CCDC171: variants seen among roughly 807,000 people sequenced by gnomAD.
CCDC171 encodes the protein coiled-coil domain-containing protein 171.
Under a neutral mutation model 168.2 loss-of-function variants are expected in CCDC171, and 177 were observed. The observed-to-expected ratio is 1.05, with a 90% CI of 0.93 to 1.19. The LOEUF (loss-of-function observed/expected upper bound fraction) is 1.19. CCDC171 is among the 50% of genes most tolerant of loss of function. The pLI is 0.00. For synonymous variants in CCDC171, 687 were observed against 540.8 expected (o/e 1.27, Z -3.75); for missense variants, 1,991 against 1,539.0 (o/e 1.29, Z -4.91).
chr9:15,651,197 C>T (rs2047487774), intron 7 of CCDC171, among the ~76,000 whole-genome samples: 1 of 151,940 alleles, frequency 6.6e-6, no homozygotes, highest in Non-Finnish European at 1.5e-5. Flanking sequence ...CAACTTCCAC[C>T]TCCCGGGTTC....
At chr9:16,000,309 A>C (rs1483529225) in intron 3 of CCDC171, among the ~76,000 whole-genome samples, 1 of 152,122 alleles carries the variant, frequency 6.6e-6, no homozygotes, top group Non-Finnish European at 1.5e-5. Flanking sequence ...AGTTTCAAAA[A>C]CAAGGGATTG....
intron 21 of CCDC171, among the ~76,000 whole-genome samples, chr9:15,802,920 TG>T (rs1165704099): frequency 6.3e-4 from 96 of 152,260 alleles, no homozygotes; most frequent in African/African-American, 2.0e-3. Context: ...CAGCATCTGT[TG>T]TTTTTTGAGT....
the CCDC171 span, among the ~76,000 whole-genome samples, chr9:16,098,843 G>C: frequency 5.2e-4 from 79 of 152,320 alleles, no homozygotes; most frequent in African/African-American, 1.8e-3. Flanking sequence ...AATTGGGAGT[G>C]GGGGAGCAAT....
At chr9:15,556,739 G>A (rs1368312836) in intron 1 of CCDC171, among the ~76,000 whole-genome samples, 1 of 151,668 alleles carries the variant, frequency 6.6e-6, no homozygotes, top group Non-Finnish European at 1.5e-5. Context: ...AAGCTCTTTA[G>A]TTTAATTAGA....
At chr9:15,635,966 T>G (rs2046171056) in intron 7 of CCDC171, among the ~76,000 whole-genome samples, 1 of 152,188 alleles carries the variant, frequency 6.6e-6, no homozygotes, top group South Asian at 2.1e-4. Context: ...GTCACTCTTT[T>G]ATATTACAAC....
At chr9:15,640,334 C>G (rs539839128) in intron 7 of CCDC171, among the ~76,000 whole-genome samples, 1 of 151,942 alleles carries the variant, frequency 6.6e-6, no homozygotes, top group Non-Finnish European at 1.5e-5. Flanking sequence ...TTAATTTTGT[C>G]TCTGAGTTGT....
At chr9:15,779,323 A>T (rs1184873997) in intron 20 of CCDC171, among the ~76,000 whole-genome samples, 173 bp downstream of exon 20, 1 of 152,022 alleles carries the variant, frequency 6.6e-6, no homozygotes, top group Non-Finnish European at 1.5e-5. Context: ...CTAATTGCTG[A>T]TGTTGGTGGC....
chr9:15,970,247 T>C (rs1831214744), intron 25 of CCDC171, among the ~76,000 whole-genome samples: 1 of 152,160 alleles, frequency 6.6e-6, no homozygotes, highest in South Asian at 2.1e-4. Flanking sequence ...CATACAACAG[T>C]TGAATTTCTA....
chr9:15,630,715 G>A (rs1227441861), intron 7 of CCDC171, among the ~76,000 whole-genome samples: 1 of 152,158 alleles, frequency 6.6e-6, no homozygotes. Flanking sequence ...CAAATCAACA[G>A]AATATACATT....
At position 15,777,624 on chromosome 9, in the gene CCDC171, A is replaced by T. The variant is rs772588407; in HGVS notation, c.2696A>T (p.His899Leu). 5 of 1,608,624 alleles carry T rather than the reference A, an allele frequency of 3.1e-6. No homozygotes were observed. Among genetic ancestry groups the T allele is most frequent in the Non-Finnish European group, 4.2e-6 (5 of 1,178,748 alleles). ...GATCCAAATTCCAGAATTTGTGGAC[A>T]TTTACTCATAGGTGCAGCCAAGAAT... ...KADPNSRICG[H>L]LLIGAAKNSF... The change falls in exon 19 of 26, where the codon CAT becomes CTT. Residue 899 changes from histidine (H) to leucine (L), a missense_variant. By Grantham distance (99) the His-to-Leu change is moderately conservative. Coordinates refer to ENST00000380701, the MANE Select transcript of CCDC171 (RefSeq NM_173550.4).
At chr9:16,021,244 C>T (rs554513727) in intron 4 of CCDC171, among the ~76,000 whole-genome samples, 1 of 152,294 alleles carries the variant, frequency 6.6e-6, no homozygotes, top group East Asian at 1.9e-4. Context: ...CGTGTCACCA[C>T]ACCCAGCTAG....
At chr9:16,095,867 CACATATATATAT>C in the CCDC171 span, among the ~76,000 whole-genome samples, 2 of 52,782 alleles carry the variant, frequency 3.8e-5, no homozygotes, top group African/African-American at 8.2e-5. Context: ...CACACATAGG[CACATATATATAT>C]ATATATATAT....
At chr9:15,645,706 A>G (rs961966432) in intron 7 of CCDC171, among the ~76,000 whole-genome samples, 4 of 152,204 alleles carry the variant, frequency 2.6e-5, no homozygotes, top group African/African-American at 9.6e-5. Context: ...AAAAAAGAGT[A>G]AAAAGAAACG....
At chr9:15,691,046 C>T (rs1006117633) in intron 10 of CCDC171, among the ~76,000 whole-genome samples, 17 of 152,092 alleles carry the variant, frequency 1.1e-4, no homozygotes, top group Admixed American at 4.6e-4. Context: ...TGTCTGAAAA[C>T]AGTGTGTTTC....
chr9:15,724,537 A>G (rs1246454488), intron 13 of CCDC171, among the ~76,000 whole-genome samples: 1 of 152,230 alleles, frequency 6.6e-6, no homozygotes, highest in Non-Finnish European at 1.5e-5. Flanking sequence ...GGAATAAGCC[A>G]TCATATTAAC....
the CCDC171 span, among the ~76,000 whole-genome samples, chr9:16,106,314 AT>A: frequency 6.6e-6 from 1 of 152,078 alleles, no homozygotes; most frequent in African/African-American, 2.4e-5. Flanking sequence ...GAAAAGTAGG[AT>A]TTTTCCAGCG....
In CCDC171 at chr9:15,693,303, G is replaced by A. The variant is rs568054233; in HGVS notation, c.1216-1932G>A. On this transcript the variant is annotated intron_variant, in intron 10 of 25. Transcript: ENST00000380701. Reference sequence around the variant, plus strand: ...TCCCTTTTTGTTTTTAGCTGAACAAGATAACTTAGATATGTTTTCATTGAT... The same window carrying A: ...TCCCTTTTTGTTTTTAGCTGAACAAAATAACTTAGATATGTTTTCATTGAT... Among the ~76,000 whole-genome samples, 5 of 152,208 alleles carry A rather than the reference G, an allele frequency of 3.3e-5. No individual in the cohort carries two copies. The South Asian group carries it at 1.0e-3, about 32-fold the overall frequency.
chr9:16,023,931 TG>T (rs1291796928), intron 6 of CCDC171, among the ~76,000 whole-genome samples: 1 of 146,192 alleles, frequency 6.8e-6, no homozygotes. Flanking sequence ...AATCTTGACA[TG>T]GGGAGATTAT....
At chr9:15,844,407 A>G (rs2060810881) in intron 21 of CCDC171, among the ~76,000 whole-genome samples, 1 of 152,044 alleles carries the variant, frequency 6.6e-6, no homozygotes, top group East Asian at 1.9e-4. Context: ...TATTTAAAAA[A>G]GGTTAAGTAT....
Sources: gnomAD v4.1 joint callset for allele counts (sites outside exome capture counted in the v4.1 genomes callset) on GRCh38, gnomAD v4.1.1 for gene constraint, MANE v1.5 for transcripts, NCBI Gene and HGNC (gene_info 2026-07-23, HGNC 2026-07-21) for gene names.